Variants in KCTD15 observed in about 807,000 individuals in gnomAD.
KCTD15 encodes the protein potassium channel tetramerization domain containing 15.
In KCTD15, 11 loss-of-function variants were observed where a neutral mutation model predicts 27.2. The observed-to-expected ratio is 0.41, with a 90% CI of 0.25 to 0.67. KCTD15 has a LOEUF of 0.67. Among genes scored for constraint, KCTD15 ranks in the 30% least tolerant of loss-of-function variants. KCTD15 has a pLI of 0.35. For missense variants in KCTD15, 350 were observed against 409.3 expected, an observed-to-expected ratio of 0.86 and a Z score of 1.25; for synonymous variants, 163 against 176.0, an observed-to-expected ratio of 0.93 and a Z score of 0.58.
At chr19:33,804,928 T>TTTTC (rs559812818) in intron 4 of KCTD15, among the ~76,000 whole-genome samples, 2 of 152,096 alleles carry the variant, frequency 1.3e-5, no homozygotes, top group African/African-American at 4.8e-5. Flanking sequence ...AGCCTTGCCC[T>TTTTC]TTTCTTTCTT....
rs1484217019 is a variant in KCTD15, at chr19:33,798,521, A to G, written c.-126-147A>G. The stretch of plus-strand genomic sequence containing the variant: ...GGGTCACTACCGGGCCAGTTTGGAA[A>G]CCTGTGGGCCCTCCCGACCGCTATC... On this transcript the variant is annotated intron_variant, in intron 1 of 6. Transcript: ENST00000683859. The G allele has an allele frequency of 1.3e-4, 20 of 152,286 alleles. No homozygotes were observed. The East Asian group carries it at 3.1e-3, about 24-fold the overall frequency. 9.4% of individuals were successfully genotyped at this position (152,286 alleles called of 1,614,324 possible). A position where few individuals can be genotyped will look rare whatever the true frequency, so the allele number is the denominator to read the frequency against.
Position 33,815,048 on chromosome 19 carries a change from CA to C in KCTD15, c.*2101del, listed in dbSNP as rs1976052348. 2 of 152,188 alleles carry C rather than the reference CA, an allele frequency of 1.3e-5. No individual in the cohort carries two copies. Among genetic ancestry groups the C allele is most frequent in the Admixed American group, 1.3e-4 (2 of 15,280 alleles). 9.4% of individuals were successfully genotyped at this position (152,188 alleles called of 1,614,324 possible). A position where few individuals can be genotyped will look rare whatever the true frequency, so the allele number is the denominator to read the frequency against. On this transcript the variant is annotated 3_prime_UTR_variant, in exon 7 of 7. Transcript: ENST00000683859. ...GAGGAGAAAGTGTTGTGTTTATTAGCAGGAAGTCTTGTGAAAACAGCTCGCT... is the reference window on the plus strand; with the variant it reads ...GAGGAGAAAGTGTTGTGTTTATTAGCGGAAGTCTTGTGAAAACAGCTCGCT...
intron 6 of KCTD15, chr19:33,812,074 C>T (rs1975943239): frequency 1.5e-6 from 2 of 1,361,190 alleles, no homozygotes; most frequent in Non-Finnish European, 1.9e-6. Context: ...TTCGCAGACC[C>T]AAGAGCTTGG....
At chr19:33,805,479 T>G (rs535651845) in intron 4 of KCTD15, among the ~76,000 whole-genome samples, 1 of 151,704 alleles carries the variant, frequency 6.6e-6, no homozygotes, top group Non-Finnish European at 1.5e-5. Context: ...GACAGAGGAG[T>G]GGGCTGCTGT....
chr19:33,811,734 G>A (rs565367231), intron 6 of KCTD15, 182 bp downstream of exon 6: 3 of 1,572,342 alleles, frequency 1.9e-6, no homozygotes, highest in African/African-American at 1.4e-5. Flanking sequence ...AAATGATGGC[G>A]CCTGGGGGAT....
Position 33,801,303 on chromosome 19 carries a change from C to T in KCTD15, c.203C>T (p.Thr68Ile). Residue 68 changes from threonine to isoleucine, a missense_variant, in exon 4 of 7, where the codon ACC becomes ATC. Physicochemically the swap from Thr to Ile is moderately conservative, Grantham distance 89 (BLOSUM62 -1). This residue lies in a region of KCTD15 where 54 missense variants were observed against 101.8 expected (regional missense o/e 0.53). Coordinates refer to ENST00000683859, the MANE Select transcript of KCTD15 (RefSeq NM_001129994.2). ...ATCGATGTGGGCGGCCACATGTACA[C>T]CAGCAGCCTGGCCACGCTCACCAAG... ...VHIDVGGHMY[T>I]SSLATLTKYP... The T allele has an allele frequency of 6.2e-7, 1 of 1,612,630 alleles. No individual in the cohort carries two copies. Among genetic ancestry groups the T allele is most frequent in the Non-Finnish European group, 8.5e-7 (1 of 1,179,368 alleles).
chr19:33,805,408 T>C (rs972563500), intron 4 of KCTD15, among the ~76,000 whole-genome samples: 24 of 152,154 alleles, frequency 1.6e-4, no homozygotes, highest in Non-Finnish European at 3.1e-4. Context: ...CCTGCCCAGC[T>C]AGTGTGTCCT....
At chr19:33,794,796 G>C (rs1975267652), upstream of KCTD15, among the ~76,000 whole-genome samples, 1 of 152,264 alleles carries the variant, frequency 6.6e-6, no homozygotes, top group African/African-American at 2.4e-5. Flanking sequence ...TGCTGAGTGG[G>C]ATGTGCATTG....
intron 5 of KCTD15, among the ~76,000 whole-genome samples, chr19:33,809,497 A>C (rs1425101146): frequency 6.6e-6 from 1 of 151,904 alleles, no homozygotes; most frequent in Non-Finnish European, 1.5e-5. Flanking sequence ...CCTGCATGGG[A>C]GAGCTGGTGG....
Position 33,815,347 on chromosome 19 carries a change from G to T in KCTD15, c.*2399G>T, listed in dbSNP as rs750441068. 2 of 152,238 alleles carry T rather than the reference G, an allele frequency of 1.3e-5. No individual in the cohort carries two copies. The highest frequency in any genetic ancestry group is 1.3e-4 in the Admixed American group (2 of 15,294). The allele number at this position is 152,238 out of a possible 1,614,324, so 9.4% of individuals were successfully genotyped here. ...TAGGGAAACACTATGTCCCCATAATGATGCTATAATTCTAATATATCTAGT... is the reference window on the plus strand; with the variant it reads ...TAGGGAAACACTATGTCCCCATAATTATGCTATAATTCTAATATATCTAGT... On this transcript the variant is annotated 3_prime_UTR_variant, in exon 7 of 7. Coordinates refer to ENST00000683859, the MANE Select transcript of KCTD15 (RefSeq NM_001129994.2).
At chr19:33,797,716 C>T (rs578041428) in intron 1 of KCTD15, among the ~76,000 whole-genome samples, 5 of 152,360 alleles carry the variant, frequency 3.3e-5, no homozygotes, top group Non-Finnish European at 5.9e-5. Flanking sequence ...CGGCGGCCCC[C>T]ACCCGCGACT....
chr19:33,813,284 C>G lies in KCTD15; in HGVS notation c.*336C>G, dbSNP rs1181668615. ...TTGGAAGAGCCGTCTGCAGCTACTT[C>G]AGAGGAGCTGTTTATCCCTCTCCAC... On this transcript the variant is annotated 3_prime_UTR_variant, in exon 7 of 7. Coordinates refer to ENST00000683859, the MANE Select transcript of KCTD15 (RefSeq NM_001129994.2). The G allele has an allele frequency of 1.4e-5, 8 of 579,936 alleles. No homozygotes were observed. Among genetic ancestry groups the G allele is most frequent in the Admixed American group, 2.2e-5 (1 of 45,866 alleles). The allele number at this position is 579,936 out of a possible 1,614,324, so 35.9% of individuals were successfully genotyped here.
chr19:33,812,049 AT>A lies in KCTD15; in HGVS notation c.693+501del. The A allele has an allele frequency of 2.2e-6, 3 of 1,393,912 alleles. 1 individual carries two copies. Among genetic ancestry groups the A allele is most frequent in the Non-Finnish European group, 9.3e-7 (1 of 1,079,720 alleles). The allele number at this position is 1,393,912 out of a possible 1,614,324, so 86.3% of individuals were successfully genotyped here. On this transcript the variant is annotated intron_variant, in intron 6 of 6. Transcript: ENST00000683859. ...GACAGCTCAGATGGAGTGAGGGCCT[AT>A]TTTCCAACAGCTCTTCGCAGACCCA...
chr19:33,800,453 A>AT lies in KCTD15; in HGVS notation c.-2_-1insT. ...ATACTCTGGGCAGGGATGGAAGCCT[A>AT]GATGCCTCACCGCAAGGAGCGGCCG... On this transcript the variant is annotated 5_prime_UTR_variant, in exon 3 of 7. The change creates a new upstream start codon in the 5' untranslated region. Coordinates refer to ENST00000683859, the MANE Select transcript of KCTD15 (RefSeq NM_001129994.2). The AT allele has an allele frequency of 6.2e-7, 1 of 1,604,376 alleles. No homozygotes were observed. The highest frequency in any genetic ancestry group is 8.5e-7 in the Non-Finnish European group (1 of 1,176,578).
Position 33,812,938 on chromosome 19 carries a change from C to G in KCTD15, c.842C>G (p.Pro281Arg), listed in dbSNP as rs1338058962. ...TPTAVRIKQE[P>R]LD ...ACTGCTGTTCGAATCAAGCAGGAAC[C>G]CCTGGACTAGGCCCTGCTTCAGTGC... Residue 281 changes from proline to arginine, a missense_variant, in exon 7 of 7, where the codon CCC becomes CGC. Transcript: ENST00000683859. 4 of 1,547,512 alleles carry G rather than the reference C, an allele frequency of 2.6e-6. No homozygotes were observed. The highest frequency in any genetic ancestry group is 2.6e-6 in the Non-Finnish European group (3 of 1,146,338).
chr19:33,800,436 G>C lies in KCTD15; in HGVS notation c.-19G>C, dbSNP rs1176207733. 4 of 1,598,268 alleles carry C rather than the reference G, an allele frequency of 2.5e-6. No homozygotes were observed. Among genetic ancestry groups the C allele is most frequent in the Non-Finnish European group, 3.4e-6 (4 of 1,173,654 alleles). On this transcript the variant is annotated 5_prime_UTR_variant, in exon 3 of 7. Coordinates refer to ENST00000683859, the MANE Select transcript of KCTD15 (RefSeq NM_001129994.2). Reference sequence around the variant, plus strand: ...GTCGATGCCTCCCGCAGATACTCTGGGCAGGGATGGAAGCCTAGATGCCTC... The same window carrying C: ...GTCGATGCCTCCCGCAGATACTCTGCGCAGGGATGGAAGCCTAGATGCCTC...
chr19:33,811,533 G>A lies in KCTD15; in HGVS notation c.674G>A (p.Cys225Tyr), dbSNP rs1975918934. ...HVIRFPLNGYCRLNSVQVLER... is the reference protein window; with the variant it reads ...HVIRFPLNGYYRLNSVQVLER... ...ATCCGCTTCCCGCTCAATGGCTACT[G>A]CCGGCTCAACTCGGTACAGGTGAGG... The change falls in exon 6 of 7, where the codon TGC becomes TAC. Residue 225 changes from cysteine to tyrosine, a missense_variant. Around this residue, in one of 3 missense-constraint regions of KCTD15, gnomAD observed 219 missense variants for 234.9 expected, o/e 0.93. Coordinates refer to ENST00000683859, the MANE Select transcript of KCTD15 (RefSeq NM_001129994.2). 6.2e-7 allele frequency: 1 copy of A among 1,607,218 alleles called. No homozygotes were observed. Among genetic ancestry groups the A allele is most frequent in the Non-Finnish European group, 8.5e-7 (1 of 1,175,862 alleles).
Position 33,813,128 on chromosome 19 carries a change from A to T in KCTD15, c.*180A>T, listed in dbSNP as rs1975983236. On this transcript the variant is annotated 3_prime_UTR_variant, in exon 7 of 7. Coordinates refer to ENST00000683859, the MANE Select transcript of KCTD15 (RefSeq NM_001129994.2). ...CAACAGAACGTGGGATGCTGGAGGC[A>T]TGCCTGCAGAAGGACTGTTGATGCG... 1 of 655,126 alleles carries T rather than the reference A, an allele frequency of 1.5e-6. No individual in the cohort carries two copies. Among genetic ancestry groups the T allele is most frequent in the Non-Finnish European group, 2.7e-6 (1 of 373,444 alleles). 40.6% of individuals were successfully genotyped at this position (655,126 alleles called of 1,614,324 possible). A position where few individuals can be genotyped will look rare whatever the true frequency, so the allele number is the denominator to read the frequency against.
intron 6 of KCTD15, chr19:33,812,345 T>G (rs953736239): frequency 9.8e-6 from 10 of 1,020,684 alleles, no homozygotes; most frequent in Non-Finnish European, 1.1e-5. Context: ...CCACCTGGAA[T>G]GCACAGCTCA....
Sources: gnomAD v4.1 joint callset for allele counts (sites outside exome capture counted in the v4.1 genomes callset) on GRCh38, gnomAD v4.1.1 for gene constraint, gnomAD v4.1.1 regional missense constraint, MANE v1.5 for transcripts, NCBI Gene and HGNC (gene_info 2026-07-23, HGNC 2026-07-21) for gene names.